Variants in CASR observed in about 807,000 individuals in gnomAD.
CASR encodes the protein calcium sensing receptor.
In CASR, 23 loss-of-function variants were observed where a neutral mutation model predicts 69.1. That is an observed-to-expected ratio of 0.33 (90% CI 0.24 to 0.47). The LOEUF is 0.47. Ranked by LOEUF, CASR falls within the 20% of genes least tolerant of loss-of-function variation. The pLI, the probability that CASR is intolerant of heterozygous loss-of-function variation, is 1.00. For missense variants in CASR, 924 were observed against 1,356.1 expected (o/e 0.68, Z 5.00); for synonymous variants, 541 against 544.7 (o/e 0.99, Z 0.10).
intron 4 of CASR, among the ~76,000 whole-genome samples, chr3:122,273,630 C>T (rs771027305): frequency 3.1e-4 from 47 of 152,126 alleles, no homozygotes; most frequent in African/African-American, 9.9e-4. Context: ...GCTTTGGAAG[C>T]TACCTGAATA....
At chr3:122,187,962 T>C (rs1045491697) in intron 1 of CASR, among the ~76,000 whole-genome samples, 1 of 152,176 alleles carries the variant, frequency 6.6e-6, no homozygotes, top group African/African-American at 2.4e-5. Context: ...CAGTAATTAA[T>C]GGTAATAAAG....
chr3:122,284,320 T>C lies in CASR; in HGVS notation c.2366T>C (p.Phe789Ser). 1 of 1,614,146 alleles carries C rather than the reference T, an allele frequency of 6.2e-7. No individual in the cohort carries two copies. Among genetic ancestry groups the C allele is most frequent in the Non-Finnish European group, 8.5e-7 (1 of 1,180,028 alleles). Residue 789 changes from phenylalanine to serine, a missense_variant, in exon 7 of 7, where the codon TTC (phenylalanine) becomes TCC (serine). Coordinates refer to ENST00000639785, the MANE Select transcript of CASR (RefSeq NM_000388.4). ...TGCCTGCTGGCTGCCATCTGCTTCT[T>C]CTTTGCCTTCAAGTCCCGGAAGCTG... ...YTCLLAAICF[F>S]FAFKSRKLPE...
At chr3:122,213,115 A>G (rs1263652603) in intron 1 of CASR, among the ~76,000 whole-genome samples, 1 of 152,178 alleles carries the variant, frequency 6.6e-6, no homozygotes, top group Non-Finnish European at 1.5e-5. Flanking sequence ...GTCCACACAT[A>G]CCCAGGGCCA....
chr3:122,252,591 A>G (rs77199337), intron 1 of CASR, among the ~76,000 whole-genome samples: 25,767 of 151,644 alleles, frequency 0.17, 2,266 homozygotes, highest in African/African-American at 0.18. Flanking sequence ...ACTAAAAATA[A>G]TCTTGGAAAT....
chr3:122,289,845 G>A lies in CASR; in HGVS notation c.*4654G>A, dbSNP rs778842605. On this transcript the variant is annotated 3_prime_UTR_variant, in exon 7 of 7. Coordinates refer to ENST00000639785, the MANE Select transcript of CASR (RefSeq NM_000388.4). ...AATCCCAGCACTTTGGGAGGCTGAG[G>A]TGGGAGGATCACTTGAGCCCTAAGA... 2 of 152,538 alleles carry A rather than the reference G, an allele frequency of 1.3e-5. No homozygotes were observed. The highest frequency in any genetic ancestry group is 2.9e-5 in the Non-Finnish European group (2 of 68,354). 9.4% of individuals were successfully genotyped at this position (152,538 alleles called of 1,614,324 possible). A position where few individuals can be genotyped will look rare whatever the true frequency, so the allele number is the denominator to read the frequency against.
At chr3:122,261,409 T>G in intron 3 of CASR, 119 bp from the exon 4 acceptor site, 2 of 854,190 alleles carry the variant, frequency 2.3e-6, no homozygotes, top group Non-Finnish European at 4.0e-6. Context: ...GTGAACAGCA[T>G]AGTTGATAAA....
intron 1 of CASR, among the ~76,000 whole-genome samples, chr3:122,188,601 TTCTC>T (rs776746883): frequency 1.3e-5 from 2 of 152,084 alleles, no homozygotes; most frequent in Non-Finnish European, 2.9e-5. Flanking sequence ...AATATCCATC[TTCTC>T]TCTCTCTCTT....
Position 122,284,972 on chromosome 3 carries a change from G to A in CASR, c.3018G>A (p.Thr1006=), listed in dbSNP as rs748637478. Residue 1006 remains threonine, a synonymous_variant, in exon 7 of 7, where the codon ACG becomes ACA. Transcript: ENST00000639785. ...NSLEAQKSSD[T]LTRHEPLLPL... ...TGGAGGCCCAGAAAAGCAGCGATAC[G>A]CTGACCCGACACGAGCCATTACTCC... is the stretch of plus-strand genomic sequence containing the variant. 3.1e-6 allele frequency: 5 copies of A among 1,614,054 alleles called. No homozygotes were observed. The highest frequency in any genetic ancestry group is 3.3e-5 in the Admixed American group (2 of 60,006).
chr3:122,217,690 G>A (rs550137521), intron 1 of CASR, among the ~76,000 whole-genome samples: 142 of 152,202 alleles, frequency 9.3e-4, no homozygotes, highest in Admixed American at 1.8e-3. Flanking sequence ...TTCTCATGCT[G>A]CACAAAAAGG....
At chr3:122,281,926 A>C (rs1045106462) in intron 5 of CASR, among the ~76,000 whole-genome samples, 187 bp from the exon 6 acceptor site, 1 of 152,042 alleles carries the variant, frequency 6.6e-6, no homozygotes, top group East Asian at 1.9e-4. Flanking sequence ...TCCCATAGTC[A>C]TCTGTCCCTT....
At chr3:122,192,805 G>C (rs2073852067) in intron 1 of CASR, among the ~76,000 whole-genome samples, 1 of 152,126 alleles carries the variant, frequency 6.6e-6, no homozygotes, top group Non-Finnish European at 1.5e-5. Flanking sequence ...GTTCCTGCGA[G>C]CTCCCAGGCG....
At chr3:122,240,484 A>T (rs9873335) in intron 1 of CASR, among the ~76,000 whole-genome samples, 3,100 of 152,304 alleles carry the variant, frequency 0.02, 105 homozygotes, top group African/African-American at 0.071. Flanking sequence ...GAAAGAGGGT[A>T]TAACAATTTT....
At position 122,262,228 on chromosome 3, in the gene CASR, A is replaced by G. The variant is rs202101164; in HGVS notation, c.1193A>G (p.Asp398Gly). ...STAFRPLCTG[D>G]ENISSVETPY... ...GCCTTCCGACCCCTCTGTACAGGGG[A>G]TGAGAACATCAGCAGTGTCGAGACC... The change falls in exon 4 of 7, where the codon GAT becomes GGT. Residue 398 changes from aspartate to glycine, a missense_variant. Physicochemically the swap from Asp to Gly is moderately conservative, Grantham distance 94. Coordinates refer to ENST00000639785, the MANE Select transcript of CASR (RefSeq NM_000388.4). 47 of 1,613,986 alleles carry G rather than the reference A, an allele frequency of 2.9e-5. No individual in the cohort carries two copies. Among genetic ancestry groups the G allele is most frequent in the Non-Finnish European group, 3.6e-5 (43 of 1,179,946 alleles).
intron 1 of CASR, among the ~76,000 whole-genome samples, chr3:122,194,915 G>A (rs957242442): frequency 4.6e-5 from 7 of 151,834 alleles, no homozygotes; most frequent in Admixed American, 1.3e-4. Context: ...CATTTGGTCC[G>A]TACACTTTAG....
intron 1 of CASR, among the ~76,000 whole-genome samples, chr3:122,229,531 T>A (rs1056630100): frequency 6.7e-6 from 1 of 150,322 alleles, no homozygotes; most frequent in African/African-American, 2.5e-5. Context: ...TGTGGTTTAG[T>A]TTACTGTGTT....
At chr3:122,195,968 G>A (rs2073885230) in intron 1 of CASR, among the ~76,000 whole-genome samples, 1 of 152,124 alleles carries the variant, frequency 6.6e-6, no homozygotes, top group African/African-American at 2.4e-5. Flanking sequence ...CAATTCCCAT[G>A]CCTGAGTTTA....
In CASR at chr3:122,185,768, T is replaced by C. The variant is rs181940555; in HGVS notation, c.-243+1956T>C. ...GGAACCTGGGAGAGCGGGTGCTTTA[T>C]ACCTGCCTCCCAGGTGTCCAATGAA... On this transcript the variant is annotated intron_variant, in intron 1 of 6. Transcript: ENST00000639785. Among the ~76,000 whole-genome samples the C allele has an allele frequency of 3.8e-3, 575 of 152,292 alleles. 3 individuals carry two copies. The highest frequency in any genetic ancestry group is 0.014 in the Middle Eastern group (4 of 294).
chr3:122,193,560 T>A (rs1272270968), intron 1 of CASR, among the ~76,000 whole-genome samples: 2 of 152,190 alleles, frequency 1.3e-5, no homozygotes, highest in African/African-American at 4.8e-5. Context: ...CTAGAAATAG[T>A]AATGTAATAA....
intron 1 of CASR, among the ~76,000 whole-genome samples, chr3:122,252,409 A>AGGAAGGTAGGAAGGAAAAAG (rs1553765626): frequency 1.7e-3 from 11 of 6,474 alleles, no homozygotes; most frequent in African/African-American, 6.4e-3. Flanking sequence ...GAAGGAAGGA[A>AGGAAGGTAGGAAGGAAAAAG]AAAGAAAGAA....
Sources: gnomAD v4.1 joint callset for allele counts (sites outside exome capture counted in the v4.1 genomes callset) on GRCh38, gnomAD v4.1.1 for gene constraint, MANE v1.5 for transcripts, NCBI Gene and HGNC (gene_info 2026-07-23, HGNC 2026-07-21) for gene names.